The following EMG1 variants were observed in gnomAD, a reference collection of about 807,000 sequenced individuals.
EMG1 encodes ribosomal RNA small subunit methyltransferase NEP1.
EMG1 carries 24 observed loss-of-function variants against 26.9 expected under a neutral mutation model. That is an observed-to-expected ratio of 0.89 (90% CI 0.65 to 1.26). The LOEUF (loss-of-function observed/expected upper bound fraction) is 1.26, where lower values mean the gene tolerates loss of function less well. Ranked by LOEUF, EMG1 falls within the 50% of genes most tolerant of loss-of-function variation. The probability of loss-of-function intolerance (pLI) is 0.00; values close to 1 mark genes in which losing one functional copy is unlikely to be tolerated. For synonymous variants in EMG1, 140 were observed against 112.6 expected (o/e 1.24, Z -1.54); for missense variants, 299 against 307.6 (o/e 0.97, Z 0.21).
At chr12:6,984,559 G>T (rs900046609), downstream of EMG1, among the ~76,000 whole-genome samples, 2 of 152,134 alleles carry the variant, frequency 1.3e-5, no homozygotes, top group Non-Finnish European at 2.9e-5. Flanking sequence ...AGTTGGTCAT[G>T]GTTTATACTT....
chr12:6,978,805 C>T lies in EMG1; in HGVS notation c.*2996C>T. Reference sequence around the variant, plus strand: ...CTTCATACCTGCCTGAGTCCTGCTGCCAGATGCCCTCAATAGTCTGGCCTG... The same window carrying T: ...CTTCATACCTGCCTGAGTCCTGCTGTCAGATGCCCTCAATAGTCTGGCCTG... On this transcript the variant is annotated 3_prime_UTR_variant, in exon 6 of 6. Coordinates refer to ENST00000599672, the MANE Select transcript of EMG1 (RefSeq NM_006331.8). 1.4e-6 allele frequency: 2 copies of T among 1,458,646 alleles called. No individual in the cohort carries two copies. The highest frequency in any genetic ancestry group is 2.7e-5 in the South Asian group (2 of 74,032). The allele number at this position is 1,458,646 out of a possible 1,614,324, so 90.4% of individuals were successfully genotyped here.
Position 6,977,348 on chromosome 12 carries a change from C to CA in EMG1, c.*1541dup. On this transcript the variant is annotated 3_prime_UTR_variant, in exon 6 of 6. Coordinates refer to ENST00000599672, the MANE Select transcript of EMG1 (RefSeq NM_006331.8). The surrounding 1 kb of genome is among the most constrained non-coding windows in gnomAD (Gnocchi z 4.5). ...TTGCAGTGAGTCCCTCCCAGTCTCA[C>CA]AAGCAGGCCTTCACTTGCCTTAAGC... 6.2e-7 allele frequency: 1 copy of CA among 1,614,070 alleles called. No individual in the cohort carries two copies. Among genetic ancestry groups the CA allele is most frequent in the Non-Finnish European group, 8.5e-7 (1 of 1,179,920 alleles).
chr12:6,971,639 A>G (rs1591705812), intron 1 of EMG1, among the ~76,000 whole-genome samples: 1 of 152,150 alleles, frequency 6.6e-6, no homozygotes, highest in East Asian at 1.9e-4. Flanking sequence ...CTTGCTTCCA[A>G]TTGGTTTACC....
downstream of EMG1, chr12:6,981,264 G>T: frequency 8.6e-7 from 1 of 1,158,830 alleles, no homozygotes. Context: ...CCACCTGTGT[G>T]CCCCACTGAC....
intron 7 of EMG1, among the ~76,000 whole-genome samples, chr12:6,994,234 G>C (rs1946615582): frequency 6.6e-6 from 1 of 152,110 alleles, no homozygotes; most frequent in African/African-American, 2.4e-5. Flanking sequence ...TTGGGACAGA[G>C]TCTCTCTGTG....
chr12:6,990,258 C>T (rs965927687), downstream of EMG1, among the ~76,000 whole-genome samples: 7 of 151,270 alleles, frequency 4.6e-5, no homozygotes, highest in Non-Finnish European at 1.0e-4. Context: ...GCCTGTAATC[C>T]CAGCACTTCG....
chr12:6,978,779 ACTT>A lies in EMG1; in HGVS notation c.*2972_*2974del. ...TTCCTTTTCACACTTGTGGCTGGCT[ACTT>A]CATACCTGCCTGAGTCCTGCTGCCA... On this transcript the variant is annotated 3_prime_UTR_variant, in exon 6 of 6. Coordinates refer to ENST00000599672, the MANE Select transcript of EMG1 (RefSeq NM_006331.8). 1 of 1,550,718 alleles carries A rather than the reference ACTT, an allele frequency of 6.4e-7. No homozygotes were observed. Among genetic ancestry groups the A allele is most frequent in the Non-Finnish European group, 8.7e-7 (1 of 1,146,158 alleles).
downstream of EMG1, chr12:6,982,657 CT>C (rs1189980726): frequency 3.8e-6 from 6 of 1,577,340 alleles, no homozygotes; most frequent in East Asian, 1.3e-4. Context: ...GCCTGAGCTG[CT>C]AAGGGAAAGA....
chr12:6,973,250 C>G (rs879970817), intron 1 of EMG1, among the ~76,000 whole-genome samples: 5 of 152,106 alleles, frequency 3.3e-5, no homozygotes, highest in Non-Finnish European at 7.4e-5. Flanking sequence ...TCACTGCAAT[C>G]TCTGTCTCCT....
intron 6 of EMG1, among the ~76,000 whole-genome samples, chr12:6,986,837 G>A (rs374369503): frequency 2.7e-5 from 4 of 150,930 alleles, no homozygotes; most frequent in Admixed American, 2.0e-4. Flanking sequence ...CCTGTCGGCC[G>A]GGTGCGGCAG....
downstream of EMG1, among the ~76,000 whole-genome samples, chr12:6,983,892 C>T (rs1555154488): frequency 6.6e-6 from 1 of 152,120 alleles, no homozygotes; most frequent in Non-Finnish European, 1.5e-5. Flanking sequence ...TGTATAATCC[C>T]AGCACTCTGG....
chr12:6,978,606 G>A lies in EMG1; in HGVS notation c.*2797G>A. 1 of 1,614,068 alleles carries A rather than the reference G, an allele frequency of 6.2e-7. No homozygotes were observed. The highest frequency in any genetic ancestry group is 8.5e-7 in the Non-Finnish European group (1 of 1,180,020). On this transcript the variant is annotated 3_prime_UTR_variant, in exon 6 of 6. Coordinates refer to ENST00000599672, the MANE Select transcript of EMG1 (RefSeq NM_006331.8). ...TTGTTTCAACTTTTCTACTTACTGT[G>A]ACCAGCCAACAGGTGACATATTTGT... is the stretch of plus-strand genomic sequence containing the variant.
chr12:6,975,691 C>T lies in EMG1; in HGVS notation c.622-5C>T. On this transcript the variant is annotated splice_polypyrimidine_tract_variant and splice_region_variant and intron_variant, in intron 5 of 5. Transcript: ENST00000599672. Reference sequence around the variant, plus strand: ...AGTTGGCTGACAAAACTGTTCTTTTCTTAGGTCAGTGTGGAGTATACAGAG... The same window carrying T: ...AGTTGGCTGACAAAACTGTTCTTTTTTTAGGTCAGTGTGGAGTATACAGAG... 1 of 1,590,536 alleles carries T rather than the reference C, an allele frequency of 6.3e-7. No homozygotes were observed. The highest frequency in any genetic ancestry group is 8.6e-7 in the Non-Finnish European group (1 of 1,158,404).
At position 6,976,032 on chromosome 12, in the gene EMG1, C is replaced by G; in HGVS notation, c.*223C>G. On this transcript the variant is annotated 3_prime_UTR_variant, in exon 6 of 6. Transcript: ENST00000599672. ...CAGTGGTGTAAAACTGTTTGTTCCC[C>G]GGGACTTCAGGGACAGATAGGAGGT... 2.1e-6 allele frequency: 1 copy of G among 468,732 alleles called. No homozygotes were observed. The highest frequency in any genetic ancestry group is 3.8e-6 in the Non-Finnish European group (1 of 261,696). 29.0% of individuals were successfully genotyped at this position (468,732 alleles called of 1,614,324 possible).
chr12:6,974,412 G>C lies in EMG1; in HGVS notation c.242G>C (p.Gly81Ala). Residue 81 changes from glycine (G) to alanine (A), a missense_variant, in exon 2 of 6, where the codon GGG becomes GCG. Transcript: ENST00000599672. ...SILLKNGRDPGEARPDITHQS... is the reference protein window; with the variant it reads ...SILLKNGRDPAEARPDITHQS... ...TTGTTGAAGAATGGACGGGACCCTGGGGAAGCGCGGCCAGATATCACCCAC... is the reference window on the plus strand; with the variant it reads ...TTGTTGAAGAATGGACGGGACCCTGCGGAAGCGCGGCCAGATATCACCCAC... The C allele has an allele frequency of 6.2e-7, 1 of 1,613,780 alleles. No individual in the cohort carries two copies. Among genetic ancestry groups the C allele is most frequent in the Non-Finnish European group, 8.5e-7 (1 of 1,179,772 alleles).
downstream of EMG1, among the ~76,000 whole-genome samples, chr12:6,988,678 T>C (rs1946553590): frequency 6.6e-6 from 1 of 152,186 alleles, no homozygotes; most frequent in Admixed American, 6.5e-5. Context: ...GGACTTCCAC[T>C]TTTAACAGCA....
chr12:6,991,757 G>A (rs1946591962), downstream of EMG1, among the ~76,000 whole-genome samples: 1 of 152,182 alleles, frequency 6.6e-6, no homozygotes, highest in Non-Finnish European at 1.5e-5. Flanking sequence ...AGTAAAAATG[G>A]TGGTCGGTGA....
chr12:6,989,236 G>C (rs1591550356), downstream of EMG1, among the ~76,000 whole-genome samples: 4 of 151,548 alleles, frequency 2.6e-5, no homozygotes, highest in Admixed American at 6.6e-5. Flanking sequence ...ATGACCTTTA[G>C]TACACTCCAA....
At chr12:6,983,435 A>G, downstream of EMG1, 1 of 1,595,720 alleles carries the variant, frequency 6.3e-7, no homozygotes, top group Non-Finnish European at 8.6e-7. Flanking sequence ...TACTCACCAA[A>G]GTTAAAATAA....
Sources: gnomAD v4.1 joint callset for allele counts (sites outside exome capture counted in the v4.1 genomes callset) on GRCh38, gnomAD v4.1.1 for gene constraint, Gnocchi (gnomAD v3.1) non-coding constraint, MANE v1.5 for transcripts, NCBI Gene and HGNC (gene_info 2026-07-23, HGNC 2026-07-21) for gene names.